Variants in BEGAIN observed in about 807,000 individuals in gnomAD.
BEGAIN encodes the protein brain enriched guanylate kinase associated.
BEGAIN carries 19 observed loss-of-function variants against 35.8 expected under a neutral mutation model. That is an observed-to-expected ratio of 0.53 (90% confidence interval 0.37 to 0.78). The LOEUF (loss-of-function observed/expected upper bound fraction) is 0.78, where lower values mean the gene tolerates loss of function less well. Ranked by LOEUF, BEGAIN falls within the 30% of genes least tolerant of loss-of-function variation. BEGAIN has a pLI of 0.00. For missense variants in BEGAIN, 795 were observed against 853.6 expected (o/e 0.93, Z 0.85); for synonymous variants, 462 against 388.6 (o/e 1.19, Z -2.22).
At chr14:100,556,238 C>T in intron 2 of BEGAIN, among the ~76,000 whole-genome samples, 1 of 152,168 alleles carries the variant, frequency 6.6e-6, no homozygotes, top group Middle Eastern at 3.2e-3. Context: ...GATGACCTGG[C>T]TGGCCGCGCC....
intron 2 of BEGAIN, chr14:100,549,050 A>C (rs752616940): frequency 3.3e-5 from 5 of 152,192 alleles, no homozygotes; most frequent in African/African-American, 7.3e-5. Flanking sequence ...GCATCGGGCC[A>C]TGGACACGCA....
intron 3 of BEGAIN, 195 bp downstream of exon 3, chr14:100,546,306 G>T (rs1365608960): frequency 2.5e-6 from 1 of 394,830 alleles, no homozygotes; most frequent in Non-Finnish European, 3.9e-6. Context: ...GGGGAGCACC[G>T]CGTGCGGCTT....
Position 100,538,064 on chromosome 14 carries a change from T to C in BEGAIN, c.1744A>G (p.Ser582Gly). 6.3e-7 allele frequency: 1 copy of C among 1,599,276 alleles called. No individual in the cohort carries two copies. The highest frequency in any genetic ancestry group is 8.5e-7 in the Non-Finnish European group (1 of 1,174,384). ...SPEMHPAARL[S>G]PQQAFPRTGG... ...GTCCGCGGAAAGGCCTGCTGGGGGC[T>C]GAGGCGGGCGGCAGGATGCATTTCC... Residue 582 changes from serine to glycine, a missense_variant, in exon 7 of 7, where the codon AGC (serine) becomes GGC (glycine). By Grantham distance (56) the Ser-to-Gly change is moderately conservative. Around this residue, in one of 3 missense-constraint regions of BEGAIN, gnomAD observed 664 missense variants for 647.7 expected, o/e 1.03. Transcript: ENST00000554140.
At chr14:100,550,112 T>C (rs561506515) in intron 2 of BEGAIN, among the ~76,000 whole-genome samples, 69 of 152,304 alleles carry the variant, frequency 4.5e-4, no homozygotes, top group African/African-American at 1.6e-3. Context: ...CCTCCTTGCC[T>C]GTGGGAATTC....
intron 5 of BEGAIN, 79 bp from the exon 6 acceptor site, chr14:100,540,658 C>T (rs1164799384): frequency 8.1e-6 from 9 of 1,112,276 alleles, no homozygotes; most frequent in Admixed American, 4.0e-5. Context: ...AAGTGGCCAG[C>T]GGGGGCAGTG....
chr14:100,552,574 T>C (rs975790990), intron 2 of BEGAIN, among the ~76,000 whole-genome samples: 9 of 152,160 alleles, frequency 5.9e-5, no homozygotes, highest in African/African-American at 2.2e-4. Context: ...GGCAGGGGCA[T>C]GTTGCTGAGA....
chr14:100,572,149 C>T (rs544471754), intron 1 of BEGAIN, among the ~76,000 whole-genome samples: 49 of 152,308 alleles, frequency 3.2e-4, no homozygotes, highest in African/African-American at 1.1e-3. Flanking sequence ...CCTGCCCCTG[C>T]GCGGGAGGGC....
chr14:100,565,357 A>C (rs1432243017), intron 2 of BEGAIN, among the ~76,000 whole-genome samples: 2 of 152,164 alleles, frequency 1.3e-5, no homozygotes, highest in African/African-American at 4.8e-5. Context: ...AAGCAGGGCG[A>C]CAGCATGGGG....
intron 1 of BEGAIN, among the ~76,000 whole-genome samples, chr14:100,575,213 C>T (rs1231214483): frequency 1.3e-5 from 2 of 152,150 alleles, no homozygotes; most frequent in Non-Finnish European, 2.9e-5. Flanking sequence ...TGACTGGAAG[C>T]CAGGGATCTG....
intron 2 of BEGAIN, among the ~76,000 whole-genome samples, chr14:100,552,059 A>T (rs1243763913): frequency 6.6e-6 from 1 of 152,112 alleles, no homozygotes; most frequent in Non-Finnish European, 1.5e-5. Flanking sequence ...AGCGATTCCC[A>T]TGGGCCTCCT....
chr14:100,562,650 C>T (rs997186168), intron 2 of BEGAIN, among the ~76,000 whole-genome samples: 2 of 151,964 alleles, frequency 1.3e-5, no homozygotes, highest in South Asian at 2.1e-4. Flanking sequence ...GCCACCAGCC[C>T]TTGCTGTTTC....
At chr14:100,544,356 A>C (rs1253902350) in intron 4 of BEGAIN, among the ~76,000 whole-genome samples, 2 of 152,212 alleles carry the variant, frequency 1.3e-5, no homozygotes, top group Non-Finnish European at 2.9e-5. Context: ...AGGCAGAGCC[A>C]GGCCCAGCCC....
intron 1 of BEGAIN, chr14:100,569,146 C>T (rs2034972903): frequency 1.3e-5 from 2 of 158,188 alleles, no homozygotes. Context: ...AGTTTCCTCA[C>T]CTGAAAGCTG....
At chr14:100,559,808 TGC>T (rs1441319819) in intron 2 of BEGAIN, among the ~76,000 whole-genome samples, 2 of 152,180 alleles carry the variant, frequency 1.3e-5, no homozygotes, top group Non-Finnish European at 2.9e-5. Flanking sequence ...TCTGCATAGA[TGC>T]GCACACAGAC....
intron 2 of BEGAIN, among the ~76,000 whole-genome samples, chr14:100,550,733 CCTCA>C (rs2033109667): frequency 1.3e-5 from 2 of 152,178 alleles, no homozygotes; most frequent in Admixed American, 6.5e-5. Flanking sequence ...ACCTGCCAGC[CCTCA>C]CTCCTCACTC....
At chr14:100,585,293 T>C (rs1595155786) in intron 1 of BEGAIN, among the ~76,000 whole-genome samples, 1 of 48,916 alleles carries the variant, frequency 2.0e-5, no homozygotes, top group African/African-American at 8.7e-5. Context: ...ATCCCTCCCA[T>C]CCCTCCCATC....
At chr14:100,583,628 TTCTC>T (rs549314318) in intron 1 of BEGAIN, among the ~76,000 whole-genome samples, 5,096 of 150,764 alleles carry the variant, frequency 0.034, 137 homozygotes, top group Non-Finnish European at 0.051. Context: ...CTATCCCTCT[TTCTC>T]TCTTTCTTTC....
rs925558592 is a variant in BEGAIN, at chr14:100,538,399, C to A, written c.1409G>T (p.Gly470Val). 3.2e-5 allele frequency: 50 copies of A among 1,546,728 alleles called. No homozygotes were observed. Among genetic ancestry groups the A allele is most frequent in the Non-Finnish European group, 4.3e-5 (50 of 1,151,582 alleles). The part of the protein sequence containing the change: ...PCSFSERYYG[G>V]AGGSPGKKAD... The stretch of plus-strand genomic sequence containing the variant: ...CTTCTTGCCCGGGCTGCCCCCGGCC[C>A]CGCCGTAGTAGCGTTCAGAGAAGCT... The change falls in exon 7 of 7, where the codon GGG becomes GTG. Residue 470 changes from glycine (G) to valine (V), a missense_variant. Around this residue, in one of 3 missense-constraint regions of BEGAIN, gnomAD observed 664 missense variants for 647.7 expected, o/e 1.03. Transcript: ENST00000554140.
chr14:100,567,834 C>G lies in BEGAIN; in HGVS notation c.71+77G>C. The G allele has an allele frequency of 1.4e-6, 2 of 1,401,320 alleles. No individual in the cohort carries two copies. The highest frequency in any genetic ancestry group is 1.9e-6 in the Non-Finnish European group (2 of 1,053,230). The allele number at this position is 1,401,320 out of a possible 1,614,324, so 86.8% of individuals were successfully genotyped here. A position where few individuals can be genotyped will look rare whatever the true frequency, so the allele number is the denominator to read the frequency against. On this transcript the variant is annotated intron_variant, in intron 2 of 6. Coordinates refer to ENST00000554140, the MANE Select transcript of BEGAIN (RefSeq NM_001385089.1). This position sits in a 1 kb window ranked among gnomAD's most constrained non-coding sequence, Gnocchi z 5.1. ...TGGGGGATGCGCTCGGGTGGAGCCCCCTTCCCCCGCCTTCCCCAGCGCCCT... is the reference window on the plus strand; with the variant it reads ...TGGGGGATGCGCTCGGGTGGAGCCCGCTTCCCCCGCCTTCCCCAGCGCCCT...
Sources: gnomAD v4.1 joint callset for allele counts (sites outside exome capture counted in the v4.1 genomes callset) on GRCh38, gnomAD v4.1.1 for gene constraint, gnomAD v4.1.1 regional missense constraint, Gnocchi (gnomAD v3.1) non-coding constraint, MANE v1.5 for transcripts, NCBI Gene and HGNC (gene_info 2026-07-23, HGNC 2026-07-21) for gene names.